The following SHISA9 variants were observed in gnomAD, a reference collection of about 807,000 sequenced individuals.
SHISA9 encodes the protein protein shisa-9.
A neutral mutation model predicts 38.0 loss-of-function variants in SHISA9; 13 were observed. The ratio of observed to expected loss-of-function variants is 0.34; its 90% CI spans 0.22 to 0.54. SHISA9 has a LOEUF of 0.54. SHISA9 is among the 20% of genes least tolerant of loss of function. The probability of loss-of-function intolerance (pLI) is 0.91; values close to 1 mark genes in which losing one functional copy is unlikely to be tolerated. For missense variants in SHISA9, 538 were observed against 575.8 expected (o/e 0.93, Z 0.67); for synonymous variants, 275 against 242.0 (o/e 1.14, Z -1.27).
chr16:13,303,825 T>A, the SHISA9 span, among the ~76,000 whole-genome samples: 1 of 152,206 alleles, frequency 6.6e-6, no homozygotes, highest in South Asian at 2.1e-4. Context: ...GATGACGTAG[T>A]GCAGGTAGAA....
chr16:13,156,733 CAAAAAAAAAAAA>C (rs11289895), intron 2 of SHISA9, among the ~76,000 whole-genome samples: 1 of 111,448 alleles, frequency 9.0e-6, no homozygotes, highest in African/African-American at 3.6e-5. Flanking sequence ...GACTCCGTCT[CAAAAAAAAAAAA>C]AAAAAAAAAT....
At chr16:12,912,152 T>TC (rs79638374) in intron 1 of SHISA9, among the ~76,000 whole-genome samples, 21,994 of 152,032 alleles carry the variant, frequency 0.14, 1,637 homozygotes, top group South Asian at 0.27. Context: ...GACATTTCCT[T>TC]CCCCATACCA....
At chr16:13,387,791 A>T in the SHISA9 span, among the ~76,000 whole-genome samples, 1 of 152,060 alleles carries the variant, frequency 6.6e-6, no homozygotes, top group South Asian at 2.1e-4. Flanking sequence ...CCTGGCCTGC[A>T]TTATTCTTTA....
the SHISA9 span, among the ~76,000 whole-genome samples, chr16:13,310,684 C>CTTT: frequency 9.6e-5 from 12 of 125,602 alleles, no homozygotes; most frequent in African/African-American, 1.5e-4. Context: ...GATTTTTATG[C>CTTT]TTTTTTTTTT....
In SHISA9 at chr16:13,197,104, TACAC is replaced by T. The variant is rs58365720; in HGVS notation, c.692-6260_692-6257del. On this transcript the variant is annotated intron_variant, in intron 2 of 4. Coordinates refer to ENST00000558583, the MANE Select transcript of SHISA9 (RefSeq NM_001145204.3). Reference sequence around the variant, plus strand: ...GAAACTGTATCTCTCTCTCTGTACATACACACACACACACACACACACACACACA... The same window carrying T: ...GAAACTGTATCTCTCTCTCTGTACATACACACACACACACACACACACACA... 1.1e-3 allele frequency among the ~76,000 whole-genome samples: 120 copies of T among 106,564 alleles called. 1 individual carries two copies. Among genetic ancestry groups the T allele is most frequent in the South Asian group, 3.3e-3 (13 of 3,944 alleles). 69.9% of individuals were successfully genotyped at this position (106,564 alleles called of 152,430 possible).
Position 12,916,794 on chromosome 16 carries a change from A to G in SHISA9, c.670A>G (p.Arg224Gly). Residue 224 changes from arginine (R) to glycine (G), a missense_variant, in exon 2 of 5, where the codon AGA becomes GGA. Around this residue, in one of 4 missense-constraint regions of SHISA9, gnomAD observed 326 missense variants for 305.9 expected, o/e 1.07. Transcript: ENST00000558583. ...CCAGCATTATGAGAACATGGACACG[A>G]GAACCCCCATAAATAATCTTCGTAA... ...HVQHYENMDT[R>G]TPINNLHATQ... The G allele has an allele frequency of 6.4e-7, 1 of 1,551,868 alleles. No individual in the cohort carries two copies. Among genetic ancestry groups the G allele is most frequent in the Non-Finnish European group, 8.7e-7 (1 of 1,147,006 alleles).
intron 2 of SHISA9, among the ~76,000 whole-genome samples, chr16:13,068,968 T>C (rs903517963): frequency 3.9e-5 from 6 of 152,102 alleles, no homozygotes; most frequent in Admixed American, 3.3e-4. Context: ...CATATGCATG[T>C]ATGTATATAT....
At chr16:12,945,210 G>A (rs1465717493) in intron 2 of SHISA9, among the ~76,000 whole-genome samples, 1 of 152,178 alleles carries the variant, frequency 6.6e-6, no homozygotes, top group East Asian at 1.9e-4. Context: ...GAGTGTGGAG[G>A]TGAGTGTTGA....
chr16:13,462,513 A>C, the SHISA9 span, among the ~76,000 whole-genome samples: 1 of 152,114 alleles, frequency 6.6e-6, no homozygotes, highest in Admixed American at 6.6e-5. Flanking sequence ...TTCTGGGACC[A>C]TCTAAGGTAC....
At chr16:13,522,792 A>C in the SHISA9 span, among the ~76,000 whole-genome samples, 50 of 152,302 alleles carry the variant, frequency 3.3e-4, no homozygotes, top group African/African-American at 9.9e-4. Context: ...TAGGGCAGCT[A>C]GTTTACAGCC....
the SHISA9 span, among the ~76,000 whole-genome samples, chr16:13,534,778 C>T: frequency 1.3e-5 from 2 of 151,986 alleles, no homozygotes; most frequent in African/African-American, 4.8e-5. Context: ...AAGGTGTAGT[C>T]GTTAGCCTGA....
chr16:13,377,583 G>A, the SHISA9 span, among the ~76,000 whole-genome samples: 1 of 152,138 alleles, frequency 6.6e-6, no homozygotes, highest in Non-Finnish European at 1.5e-5. Flanking sequence ...CTAATAAAAT[G>A]TACAAACACA....
At chr16:13,003,105 G>A (rs2072546529) in intron 2 of SHISA9, among the ~76,000 whole-genome samples, 3 of 152,122 alleles carry the variant, frequency 2.0e-5, no homozygotes, top group Admixed American at 2.0e-4. Context: ...CTTCAAAGTG[G>A]GAAAGATTTC....
intron 2 of SHISA9, among the ~76,000 whole-genome samples, chr16:13,134,472 C>A (rs204017): frequency 3.3e-5 from 5 of 151,894 alleles, no homozygotes; most frequent in East Asian, 1.9e-4. Flanking sequence ...TTATTTCTGC[C>A]TATGGAGAAG....
At chr16:13,475,695 C>T in the SHISA9 span, among the ~76,000 whole-genome samples, 1 of 152,188 alleles carries the variant, frequency 6.6e-6, no homozygotes, top group South Asian at 2.1e-4. Context: ...ATTATGATAA[C>T]ATTGCAATAT....
At chr16:13,361,088 C>T in the SHISA9 span, among the ~76,000 whole-genome samples, 1 of 152,216 alleles carries the variant, frequency 6.6e-6, no homozygotes, top group African/African-American at 2.4e-5. Context: ...AAATATTCTT[C>T]ACCTTTCTAG....
chr16:13,299,378 C>T, the SHISA9 span, among the ~76,000 whole-genome samples: 2 of 152,162 alleles, frequency 1.3e-5, no homozygotes, highest in East Asian at 1.9e-4. Context: ...AGCACGGAAA[C>T]GTTATGTAAC....
chr16:13,329,221 C>T, the SHISA9 span, among the ~76,000 whole-genome samples: 2 of 152,198 alleles, frequency 1.3e-5, no homozygotes, highest in African/African-American at 4.8e-5. Context: ...AAATCAGGAG[C>T]AGTCTGCTGC....
At chr16:13,099,154 A>T (rs1482253115) in intron 2 of SHISA9, among the ~76,000 whole-genome samples, 2 of 152,212 alleles carry the variant, frequency 1.3e-5, no homozygotes, top group Non-Finnish European at 2.9e-5. Flanking sequence ...CTGACCGATC[A>T]TCTATGGCTG....
Sources: allele counts gnomAD v4.1 joint callset (sites outside exome capture counted in the v4.1 genomes callset), GRCh38; gene constraint gnomAD v4.1.1; regional missense constraint gnomAD v4.1.1; transcripts MANE v1.5; gene names NCBI Gene and HGNC (gene_info 2026-07-23, HGNC 2026-07-21).